The following CAMTA1 variants were observed in gnomAD, a reference collection of about 807,000 sequenced individuals.
CAMTA1 encodes calmodulin-binding transcription activator 1.
A neutral mutation model predicts 170.9 loss-of-function variants in CAMTA1; 27 were observed. The ratio of observed to expected loss-of-function variants is 0.16; its 90% CI spans 0.12 to 0.22. The LOEUF (loss-of-function observed/expected upper bound fraction) is 0.22. CAMTA1 is among the 10% of genes least tolerant of loss of function. The probability of loss-of-function intolerance (pLI) is 1.00; values close to 1 mark genes in which losing one functional copy is unlikely to be tolerated. For synonymous variants in CAMTA1, 833 were observed against 891.5 expected (o/e 0.93, Z 1.17); for missense variants, 1,619 against 2,217.2 (o/e 0.73, Z 5.42).
chr1:6,985,367 C>T (rs1695184217), intron 3 of CAMTA1, among the ~76,000 whole-genome samples: 1 of 152,242 alleles, frequency 6.6e-6, no homozygotes, highest in African/African-American at 2.4e-5. Context: ...CCTGGCTTTG[C>T]AAGAGGCAAT....
intron 5 of CAMTA1, among the ~76,000 whole-genome samples, chr1:7,340,566 C>CTCCCTCCCTCCCTCCA (rs2083743393): frequency 6.8e-6 from 1 of 147,938 alleles, no homozygotes; most frequent in Non-Finnish European, 1.5e-5. Context: ...CCCTCCCTCC[C>CTCCCTCCCTCCCTCCA]TTCCTTCCTT....
chr1:7,611,030 G>A (rs1466608891), intron 6 of CAMTA1, among the ~76,000 whole-genome samples: 1 of 152,230 alleles, frequency 6.6e-6, no homozygotes, highest in East Asian at 1.9e-4. Context: ...GTGCAGTCCT[G>A]GACAAATCAC....
chr1:7,738,197 A>T lies in CAMTA1; in HGVS notation c.3897A>T (p.Glu1299Asp), dbSNP rs747873856. The T allele has an allele frequency of 1.9e-6, 3 of 1,613,000 alleles. No homozygotes were observed. The Admixed American group carries it at 5.0e-5, about 27-fold the overall frequency. Residue 1299 changes from glutamate to aspartate, a missense_variant, in exon 16 of 23, where the codon GAA (glutamate) becomes GAT (aspartate). Physicochemically the swap from Glu to Asp is conservative, Grantham distance 45 (BLOSUM62 2). This residue lies in a region of CAMTA1 where 370 missense variants were observed against 429.4 expected (regional missense o/e 0.86). Coordinates refer to ENST00000303635, the MANE Select transcript of CAMTA1 (RefSeq NM_015215.4). The surrounding 1 kb of genome is among the most constrained non-coding windows in gnomAD (Gnocchi z 4.9). ...PSEGVRDFSR[E>D]LSPPTPETAA... The stretch of plus-strand genomic sequence containing the variant: ...AAGGAGTGAGGGACTTCAGCCGGGA[A>T]CTCTCCCCTCCCACTCCAGAGACTG...
chr1:7,043,073 G>A (rs1704730644), intron 3 of CAMTA1, among the ~76,000 whole-genome samples: 1 of 152,220 alleles, frequency 6.6e-6, no homozygotes, highest in Admixed American at 6.5e-5. Context: ...TTTCTCACTT[G>A]TGGAAGGTCT....
At chr1:7,159,465 C>T (rs1047907904) in intron 4 of CAMTA1, among the ~76,000 whole-genome samples, 4 of 152,110 alleles carry the variant, frequency 2.6e-5, no homozygotes, top group African/African-American at 9.7e-5. Flanking sequence ...CTACCGACTT[C>T]CCTGTGTGCC....
At chr1:7,763,277 C>T (rs1323419334) in intron 22 of CAMTA1, among the ~76,000 whole-genome samples, 2 of 152,016 alleles carry the variant, frequency 1.3e-5, no homozygotes, top group African/African-American at 2.4e-5. Context: ...CCTCCTTGAA[C>T]GACTTTCTGT....
intron 5 of CAMTA1, among the ~76,000 whole-genome samples, chr1:7,258,630 A>G (rs891948116): frequency 2.0e-5 from 3 of 152,172 alleles, no homozygotes; most frequent in Non-Finnish European, 4.4e-5. Context: ...ACCATAATAG[A>G]TACTTTTCCC....
intron 5 of CAMTA1, among the ~76,000 whole-genome samples, chr1:7,283,792 T>C (rs764410100): frequency 2.0e-5 from 3 of 152,208 alleles, no homozygotes; most frequent in Non-Finnish European, 4.4e-5. Context: ...TTGGTCATCA[T>C]AGCAGCCCAA....
intron 6 of CAMTA1, among the ~76,000 whole-genome samples, chr1:7,519,050 C>G (rs2094325952): frequency 1.3e-5 from 2 of 152,044 alleles, no homozygotes; most frequent in Non-Finnish European, 1.5e-5. Flanking sequence ...CATCACCAGA[C>G]AGCCCACTCC....
rs56318338 is a variant in CAMTA1, at chr1:6,800,027, C to T, written c.45+14452C>T. 1.8e-3 allele frequency among the ~76,000 whole-genome samples: 273 copies of T among 152,254 alleles called. 1 individual carries two copies. The highest frequency in any genetic ancestry group is 6.4e-3 in the African/African-American group (265 of 41,542). ...CTCAAGCTGTATGGGGGGATTTGAA[C>T]TACAGACACTCAGATATCTCCTTTC... On this transcript the variant is annotated intron_variant, in intron 1 of 22. Transcript: ENST00000303635.
chr1:6,832,838 A>G (rs11120776), intron 3 of CAMTA1, among the ~76,000 whole-genome samples: 12,376 of 152,304 alleles, frequency 0.081, 733 homozygotes, highest in East Asian at 0.26. Flanking sequence ...GAGTGACATT[A>G]TGTGATTTTT....
At chr1:7,290,920 C>CT (rs1232956264) in intron 5 of CAMTA1, among the ~76,000 whole-genome samples, 1 of 151,998 alleles carries the variant, frequency 6.6e-6, no homozygotes, top group Admixed American at 6.6e-5. Context: ...ATGGGGGCTC[C>CT]TGGGGGGGTG....
At chr1:7,431,531 A>G (rs900027639) in intron 5 of CAMTA1, among the ~76,000 whole-genome samples, 2 of 151,702 alleles carry the variant, frequency 1.3e-5, no homozygotes, top group Admixed American at 6.6e-5. Flanking sequence ...TCAGCTCCAC[A>G]CTGGGCAGCC....
rs576181530 is a variant in CAMTA1 at position 7,595,211 on chromosome 1, C to A, written c.511-45189C>A. On this transcript the variant is annotated intron_variant, in intron 6 of 22. Coordinates refer to ENST00000303635, the MANE Select transcript of CAMTA1 (RefSeq NM_015215.4). ...GGATCATCATATTGATCCAAAAGAG[C>A]GCCTGTGTCTCAGATCAAATGTGAT... Among the ~76,000 whole-genome samples, 6 of 152,238 alleles carry A rather than the reference C, an allele frequency of 3.9e-5. No individual in the cohort carries two copies. The East Asian group carries it at 1.2e-3, about 29-fold the overall frequency.
chr1:7,225,303 C>T (rs1165518654), intron 4 of CAMTA1, among the ~76,000 whole-genome samples: 1 of 152,150 alleles, frequency 6.6e-6, no homozygotes, highest in Non-Finnish European at 1.5e-5. Context: ...CCAGGATGGT[C>T]TCGATCTCCT....
chr1:7,317,601 G>A (rs1038361898), intron 5 of CAMTA1, among the ~76,000 whole-genome samples: 8 of 152,326 alleles, frequency 5.3e-5, no homozygotes, highest in South Asian at 2.1e-4. Context: ...TCTCTCAGTT[G>A]TACTTGATGC....
At chr1:7,460,954 G>A (rs2093071677) in intron 5 of CAMTA1, among the ~76,000 whole-genome samples, 2 of 152,284 alleles carry the variant, frequency 1.3e-5, no homozygotes, top group Middle Eastern at 6.8e-3. Flanking sequence ...CTAACGTGGT[G>A]CTCTCTGACC....
At chr1:6,984,837 C>T (rs576518317) in intron 3 of CAMTA1, among the ~76,000 whole-genome samples, 3 of 152,292 alleles carry the variant, frequency 2.0e-5, no homozygotes, top group South Asian at 4.1e-4. Flanking sequence ...CCTGAAGAGG[C>T]GACTTTCAGG....
At chr1:7,280,249 G>A (rs557139532) in intron 5 of CAMTA1, among the ~76,000 whole-genome samples, 4 of 152,364 alleles carry the variant, frequency 2.6e-5, no homozygotes, top group Non-Finnish European at 4.4e-5. Context: ...GCCAGTCAGC[G>A]AGAAGCCCTC....
Sources: allele counts gnomAD v4.1 joint callset (sites outside exome capture counted in the v4.1 genomes callset), GRCh38; gene constraint gnomAD v4.1.1; regional missense constraint gnomAD v4.1.1; non-coding constraint Gnocchi (gnomAD v3.1); transcripts MANE v1.5; gene names NCBI Gene and HGNC (gene_info 2026-07-23, HGNC 2026-07-21).